The following SLC12A6 variants were observed in gnomAD, a reference collection of about 807,000 sequenced individuals.
The protein encoded by SLC12A6 is K-Cl cotransporter 3.
Under a neutral mutation model 135.3 loss-of-function variants are expected in SLC12A6, and 66 were observed. That is an observed-to-expected ratio of 0.49 (90% CI 0.40 to 0.60). SLC12A6 has a LOEUF of 0.60. Ranked by LOEUF, SLC12A6 falls within the 20% of genes least tolerant of loss-of-function variation. The pLI is 0.00. For missense variants in SLC12A6, 1,058 were observed against 1,452.3 expected, an observed-to-expected ratio of 0.73 and a Z score of 4.41; for synonymous variants, 513 against 508.8, an observed-to-expected ratio of 1.01 and a Z score of -0.11.
intron 2 of SLC12A6, among the ~76,000 whole-genome samples, chr15:34,310,300 AGT>A (rs58503652): frequency 0.014 from 624 of 43,696 alleles, 38 homozygotes; most frequent in African/African-American, 0.057. Flanking sequence ...CCTGGGCTCA[AGT>A]GTGTGTGTGT....
chr15:34,241,763 A>G lies in SLC12A6; in HGVS notation c.2162+339T>C, dbSNP rs531954975. 7.2e-5 allele frequency among the ~76,000 whole-genome samples: 11 copies of G among 152,360 alleles called. No individual in the cohort carries two copies. In the East Asian group the frequency reaches 1.7e-3, roughly 24 times the overall value. On this transcript the variant is annotated intron_variant, in intron 17 of 25. Transcript: ENST00000354181. ...AAGCTGTAAGTCTTAGTAGTTACTA[A>G]GTTGTTCAGAACTAATTTCTTTTTC...
chr15:34,303,094 A>C (rs1896372554), intron 2 of SLC12A6, among the ~76,000 whole-genome samples: 1 of 152,176 alleles, frequency 6.6e-6, no homozygotes, highest in Admixed American at 6.5e-5. Flanking sequence ...CATGACCATA[A>C]GAGACTATCT....
In SLC12A6 at chr15:34,275,381, G is replaced by T; in HGVS notation, c.280C>A (p.Gln94Lys). ...HPQDVIEDLSQNSITGEHSQL... is the reference protein window; with the variant it reads ...HPQDVIEDLSKNSITGEHSQL... ...CTGTGTTCCCCTGTGATGGAGTTCT[G>T]ACTCAGGTCTGAAAAACAAACAATT... Residue 94 changes from glutamine (Q) to lysine (K), a missense_variant, in exon 3 of 26, where the codon CAG (glutamine) becomes AAG (lysine). Gln to Lys is a moderately conservative substitution (Grantham distance 53). This residue lies in a region of SLC12A6 where 176 missense variants were observed against 168.9 expected (regional missense o/e 1.04). Coordinates refer to ENST00000354181, the MANE Select transcript of SLC12A6 (RefSeq NM_001365088.1). 6.6e-7 allele frequency: 1 copy of T among 1,521,008 alleles called. No individual in the cohort carries two copies. The highest frequency in any genetic ancestry group is 9.1e-7 in the Non-Finnish European group (1 of 1,096,070). 94.2% of individuals were successfully genotyped at this position (1,521,008 alleles called of 1,614,324 possible).
intron 2 of SLC12A6, among the ~76,000 whole-genome samples, chr15:34,334,160 G>A (rs1890051729): frequency 6.6e-6 from 1 of 152,140 alleles, no homozygotes; most frequent in Admixed American, 6.5e-5. Flanking sequence ...GAAACTTCGG[G>A]TGGGAAGTTT....
chr15:34,285,717 T>TACACACACACACACA (rs144158165), intron 2 of SLC12A6, among the ~76,000 whole-genome samples: 6 of 131,108 alleles, frequency 4.6e-5, no homozygotes, highest in South Asian at 5.2e-4. Flanking sequence ...TGTGTGTTTG[T>TACACACACACACACA]CATACATAAA....
At chr15:34,253,522 T>A (rs1188961590) in intron 9 of SLC12A6, among the ~76,000 whole-genome samples, 1 of 152,242 alleles carries the variant, frequency 6.6e-6, no homozygotes, top group Non-Finnish European at 1.5e-5. Flanking sequence ...GAAGAAATAC[T>A]GAATGGGGAG....
chr15:34,314,134 G>A (rs944265976), intron 2 of SLC12A6, among the ~76,000 whole-genome samples: 7 of 149,994 alleles, frequency 4.7e-5, no homozygotes, highest in Non-Finnish European at 7.4e-5. Context: ...TGCAACCTCC[G>A]CCTCCTGGGT....
chr15:34,249,439 C>A (rs977151747), intron 13 of SLC12A6, among the ~76,000 whole-genome samples: 2 of 152,016 alleles, frequency 1.3e-5, no homozygotes, highest in Admixed American at 1.3e-4. Flanking sequence ...TGGTGGTATG[C>A]ACCTGTGGTC....
At chr15:34,237,340 C>T in intron 22 of SLC12A6, 79 bp downstream of exon 22, 1 of 1,420,536 alleles carries the variant, frequency 7.0e-7, no homozygotes, top group South Asian at 1.2e-5. Flanking sequence ...AAAAATTTCC[C>T]AAACCAGAAA....
At chr15:34,235,431 A>ATTTTT (rs371322623) in intron 24 of SLC12A6, 117 bp from the exon 25 acceptor site, 7,186 of 496,414 alleles carry the variant, frequency 0.014, 22 homozygotes, top group East Asian at 0.03. Flanking sequence ...TGATAAAATG[A>ATTTTT]TTTTTTTTTT....
chr15:34,256,087 A>G, intron 7 of SLC12A6, 142 bp downstream of exon 7: 1 of 704,104 alleles, frequency 1.4e-6, no homozygotes, highest in Non-Finnish European at 2.6e-6. Flanking sequence ...TATTATGTCT[A>G]CGTCCTATAG....
chr15:34,297,455 C>A (rs1284531474), intron 2 of SLC12A6, among the ~76,000 whole-genome samples: 1 of 152,142 alleles, frequency 6.6e-6, no homozygotes, highest in Non-Finnish European at 1.5e-5. Context: ...GCACAGCAAC[C>A]ATGTGAAGAA....
At chr15:34,334,476 G>A (rs1020473232) in intron 2 of SLC12A6, among the ~76,000 whole-genome samples, 5 of 152,232 alleles carry the variant, frequency 3.3e-5, no homozygotes, top group African/African-American at 4.8e-5. Context: ...AGTCAAGGGT[G>A]AAATAATTGT....
chr15:34,263,258 A>G lies in SLC12A6; in HGVS notation c.317-2238T>C, dbSNP rs138904815. ...ACATTGAGACCCTGCCTCAACAAAA[A>G]AAATTAAAAAATTAGCAGGGCATGG... On this transcript the variant is annotated intron_variant, in intron 3 of 25. Coordinates refer to ENST00000354181, the MANE Select transcript of SLC12A6 (RefSeq NM_001365088.1). Among the ~76,000 whole-genome samples, 16 of 152,202 alleles carry G rather than the reference A, an allele frequency of 1.1e-4. No individual in the cohort carries two copies. The East Asian group carries it at 3.1e-3, about 29-fold the overall frequency.
intron 2 of SLC12A6, among the ~76,000 whole-genome samples, chr15:34,287,337 T>G (rs1348980479): frequency 6.6e-6 from 1 of 152,244 alleles, no homozygotes; most frequent in Non-Finnish European, 1.5e-5. Flanking sequence ...CTGCATAGTA[T>G]TCCATGGTGT....
At chr15:34,251,483 A>G (rs1892391439) in intron 10 of SLC12A6, among the ~76,000 whole-genome samples, 3 of 152,086 alleles carry the variant, frequency 2.0e-5, no homozygotes, top group Non-Finnish European at 4.4e-5. Context: ...TCCTGACCTC[A>G]TGATCCTCCC....
At chr15:34,332,783 A>G (rs1383110773) in intron 2 of SLC12A6, among the ~76,000 whole-genome samples, 1 of 132,896 alleles carries the variant, frequency 7.5e-6, no homozygotes, top group Admixed American at 7.3e-5. Flanking sequence ...ACTTTGCCTC[A>G]AAAAAAAAAA....
chr15:34,297,617 G>T (rs1895960387), intron 2 of SLC12A6, among the ~76,000 whole-genome samples: 2 of 152,228 alleles, frequency 1.3e-5, no homozygotes, highest in Admixed American at 1.3e-4. Flanking sequence ...CAGTGTGAGG[G>T]TCCACAGGGA....
chr15:34,303,080 T>C (rs1201915352), intron 2 of SLC12A6, among the ~76,000 whole-genome samples: 1 of 150,114 alleles, frequency 6.7e-6, no homozygotes, highest in Non-Finnish European at 1.5e-5. Context: ...TTTGGAAAAA[T>C]AAACATGACC....
Sources: allele counts gnomAD v4.1 joint callset (sites outside exome capture counted in the v4.1 genomes callset), GRCh38; gene constraint gnomAD v4.1.1; regional missense constraint gnomAD v4.1.1; transcripts MANE v1.5; gene names NCBI Gene and HGNC (gene_info 2026-07-23, HGNC 2026-07-21).